HIP1: variants seen among roughly 807,000 people sequenced by gnomAD.
HIP1 encodes the protein huntingtin-interacting protein 1.
Under a neutral mutation model 147.6 loss-of-function variants are expected in HIP1, and 65 were observed. The ratio of observed to expected loss-of-function variants is 0.44; its 90% CI spans 0.36 to 0.54. The LOEUF is 0.54. Ranked by LOEUF, HIP1 falls within the 20% of genes least tolerant of loss-of-function variation. The pLI, the probability that HIP1 is intolerant of heterozygous loss-of-function variation, is 0.00. For synonymous variants in HIP1, 479 were observed against 504.0 expected (o/e 0.95, Z 0.67); for missense variants, 1,061 against 1,299.6 (o/e 0.82, Z 2.82).
chr7:75,544,189 A>G (rs998959507), intron 27 of HIP1, among the ~76,000 whole-genome samples: 2 of 149,472 alleles, frequency 1.3e-5, no homozygotes, highest in African/African-American at 5.1e-5. Context: ...AAAAAAAAAA[A>G]AGCCTCTGTA....
chr7:75,724,580 T>C (rs62477608), intron 1 of HIP1, among the ~76,000 whole-genome samples: 45,527 of 151,968 alleles, frequency 0.3, 7,134 homozygotes, highest in East Asian at 0.46. Context: ...GGATTACAGG[T>C]GTGAGCCACC....
intron 1 of HIP1, among the ~76,000 whole-genome samples, chr7:75,637,568 G>A (rs1308390671): frequency 2.4e-5 from 2 of 84,244 alleles, no homozygotes; most frequent in Non-Finnish European, 6.3e-5. Flanking sequence ...TTTTTTGAGA[G>A]GGAGTTCTAA....
At chr7:75,580,715 G>C (rs1275613102) in intron 7 of HIP1, among the ~76,000 whole-genome samples, 3 of 151,958 alleles carry the variant, frequency 2.0e-5, no homozygotes, top group African/African-American at 7.2e-5. Context: ...ATCCAGCCTG[G>C]GCGACAGAGT....
At chr7:75,586,552 G>A (rs1416931779) in intron 5 of HIP1, among the ~76,000 whole-genome samples, 1 of 152,118 alleles carries the variant, frequency 6.6e-6, no homozygotes, top group African/African-American at 2.4e-5. Flanking sequence ...GAAGACACGG[G>A]CCAAAATCCC....
chr7:75,726,891 G>A (rs746608007), intron 1 of HIP1, among the ~76,000 whole-genome samples: 1 of 151,712 alleles, frequency 6.6e-6, no homozygotes, highest in Non-Finnish European at 1.5e-5. Context: ...TGGCCAGGCT[G>A]GTCTCGAACT....
intron 1 of HIP1, among the ~76,000 whole-genome samples, chr7:75,614,855 C>A (rs1797589831): frequency 6.6e-6 from 1 of 152,022 alleles, no homozygotes; most frequent in Non-Finnish European, 1.5e-5. Flanking sequence ...CGCATTGCAA[C>A]CTCTGCCTCC....
At chr7:75,672,615 A>G (rs1185203980) in intron 1 of HIP1, among the ~76,000 whole-genome samples, 2 of 152,208 alleles carry the variant, frequency 1.3e-5, no homozygotes, top group Non-Finnish European at 2.9e-5. Flanking sequence ...AGTGTGAGCT[A>G]CCATACTTGG....
chr7:75,588,225 C>T (rs938031639), intron 4 of HIP1, among the ~76,000 whole-genome samples: 11 of 152,070 alleles, frequency 7.2e-5, no homozygotes, highest in Non-Finnish European at 1.3e-4. Flanking sequence ...TCTGGAGGAA[C>T]CTGCCTTCAT....
At chr7:75,556,539 GC>G in intron 17 of HIP1, among the ~76,000 whole-genome samples, 170 bp downstream of exon 17, 1 of 152,102 alleles carries the variant, frequency 6.6e-6, no homozygotes, top group Non-Finnish European at 1.5e-5. Flanking sequence ...ACAAAAACTA[GC>G]CAGGTGTAGG....
At chr7:75,674,464 A>G (rs1554515712) in intron 1 of HIP1, among the ~76,000 whole-genome samples, 1 of 151,380 alleles carries the variant, frequency 6.6e-6, no homozygotes. Flanking sequence ...CTTTGAATAT[A>G]TCATCTCACT....
rs374624097 is a variant in HIP1 at position 75,653,451 on chromosome 7, G to A, written c.121-54204C>T. The stretch of plus-strand genomic sequence containing the variant: ...GAGGATTGCTTAAGGCCAGGAGTTC[G>A]AGACCAGCCTGGGCAACATAGTGAG... On this transcript the variant is annotated intron_variant, in intron 1 of 30. Transcript: ENST00000336926. Among the ~76,000 whole-genome samples the A allele has an allele frequency of 6.9e-4, 105 of 151,920 alleles. 2 individuals carry two copies. In the South Asian group the frequency reaches 0.013, roughly 19 times the overall value.
At chr7:75,551,825 T>G (rs1794795119) in intron 22 of HIP1, among the ~76,000 whole-genome samples, 1 of 152,040 alleles carries the variant, frequency 6.6e-6, no homozygotes, top group African/African-American at 2.4e-5. Flanking sequence ...CCACCTTGGC[T>G]GGATGTGGTC....
rs193264671 is a variant in HIP1 at position 75,727,098 on chromosome 7, T to A, written c.120+11703A>T. ...TAAGTATCTCCTGCTTATTTTTTTT[T>A]AAATTAAGTTTGTCTTTTTGTTTGT... On this transcript the variant is annotated intron_variant, in intron 1 of 30. Transcript: ENST00000336926. Among the ~76,000 whole-genome samples, 8 of 152,226 alleles carry A rather than the reference T, an allele frequency of 5.3e-5. No individual in the cohort carries two copies. In the East Asian group the frequency reaches 1.4e-3, roughly 26 times the overall value.
intron 1 of HIP1, among the ~76,000 whole-genome samples, chr7:75,718,469 T>C (rs1296957311): frequency 6.6e-6 from 1 of 152,204 alleles, no homozygotes; most frequent in African/African-American, 2.4e-5. Context: ...GTAACAAGCC[T>C]GTATAACTAT....
At chr7:75,626,149 T>C (rs1798030677) in intron 1 of HIP1, 3 of 152,212 alleles carry the variant, frequency 2.0e-5, no homozygotes, top group Admixed American at 2.0e-4. Context: ...TATTTTGTTA[T>C]AGCAGCAAGA....
intron 1 of HIP1, among the ~76,000 whole-genome samples, chr7:75,736,911 G>A (rs930502912): frequency 4.0e-5 from 6 of 151,222 alleles, no homozygotes; most frequent in East Asian, 2.0e-4. Context: ...ACCTGCGCGC[G>A]GTTTTCTTTC....
At chr7:75,619,387 G>A (rs1797767750) in intron 1 of HIP1, among the ~76,000 whole-genome samples, 1 of 151,934 alleles carries the variant, frequency 6.6e-6, no homozygotes, top group Non-Finnish European at 1.5e-5. Context: ...GCCAGGTGTG[G>A]TGGCGTGTGC....
intron 1 of HIP1, among the ~76,000 whole-genome samples, chr7:75,612,509 CA>C (rs376582645): frequency 6.7e-6 from 1 of 149,564 alleles, no homozygotes; most frequent in Non-Finnish European, 1.5e-5. Context: ...CTCTGTCTCA[CA>C]AAAAAAATAA....
intron 1 of HIP1, among the ~76,000 whole-genome samples, chr7:75,735,036 C>T (rs556963985): frequency 6.6e-6 from 1 of 152,332 alleles, no homozygotes. Flanking sequence ...CAGATTATAA[C>T]AATAATCACT....
Sources: allele counts gnomAD v4.1 joint callset (sites outside exome capture counted in the v4.1 genomes callset), GRCh38; gene constraint gnomAD v4.1.1; transcripts MANE v1.5; gene names NCBI Gene and HGNC (gene_info 2026-07-23, HGNC 2026-07-21).